Variants in TMEM116 observed in about 807,000 individuals in gnomAD.
TMEM116 encodes transmembrane protein 116.
Under a neutral mutation model 44.3 loss-of-function variants are expected in TMEM116, and 38 were observed. That is an observed-to-expected ratio of 0.86 (90% CI 0.66 to 1.12). TMEM116 has a LOEUF of 1.12. Among genes scored for constraint, TMEM116 ranks in the 50% most tolerant of loss-of-function variants. The pLI is 0.00. For missense variants in TMEM116, 354 were observed against 401.7 expected (o/e 0.88, Z 1.01); for synonymous variants, 132 against 144.8 (o/e 0.91, Z 0.64).
Position 111,935,613 on chromosome 12 carries a change from CGTGTGT to C in TMEM116, c.588+1073_588+1078del, listed in dbSNP as rs35906022. On this transcript the variant is annotated intron_variant, in intron 8 of 10. Coordinates refer to ENST00000552374, the MANE Select transcript of TMEM116 (RefSeq NM_001193531.2). ...CCTGTTGATTTGAACTGAGCCATCT[CGTGTGT>C]GTGTGTGTGTGTGTGTGTGTGTGTG... 6.7e-3 allele frequency: 802 copies of C among 120,378 alleles called. 6 individuals are homozygous for C. The highest frequency in any genetic ancestry group is 0.015 in the East Asian group (50 of 3,344). 7.5% of individuals were successfully genotyped at this position (120,378 alleles called of 1,614,324 possible). A position where few individuals can be genotyped will look rare whatever the true frequency, so the allele number is the denominator to read the frequency against.
At chr12:111,932,460 T>C in intron 10 of TMEM116, 126 bp downstream of exon 10, 2 of 759,326 alleles carry the variant, frequency 2.6e-6, no homozygotes, top group Admixed American at 2.6e-5. Context: ...GTGTAAATAA[T>C]ACATTTTCTC....
chr12:112,003,845 T>C lies in TMEM116; in HGVS notation c.33A>G (p.Ser11=), dbSNP rs1401146906. 2.4e-5 allele frequency: 37 copies of C among 1,514,780 alleles called. No individual in the cohort carries two copies. The highest frequency in any genetic ancestry group is 2.9e-5 in the Non-Finnish European group (33 of 1,140,184). The allele number at this position is 1,514,780 out of a possible 1,614,324, so 93.8% of individuals were successfully genotyped here. The change falls in exon 3 of 11, where the codon TCA becomes TCG. Residue 11 remains serine (S), a synonymous_variant. Transcript: ENST00000552374. ...TATGGAATACAGCATAGGCAATAAG[T>C]GAACTTGAACCTATAACACTGAGAA... is the stretch of plus-strand genomic sequence containing the variant. MATLSVIGSS[S]LIAYAVFHNI...
At chr12:111,949,962 A>G (rs2073590331) in intron 4 of TMEM116, among the ~76,000 whole-genome samples, 1 of 152,116 alleles carries the variant, frequency 6.6e-6, no homozygotes, top group Non-Finnish European at 1.5e-5. Flanking sequence ...TAAAAGTATA[A>G]AAATTAGCTG....
intron 5 of TMEM116, among the ~76,000 whole-genome samples, chr12:111,940,480 T>TACATACACAC (rs1555207339): frequency 7.8e-6 from 1 of 128,920 alleles, no homozygotes; most frequent in South Asian, 2.4e-4. Context: ...TATATATACA[T>TACATACACAC]ACACACACAC....
At chr12:111,955,220 TTTACAG>T (rs2073993587) in intron 4 of TMEM116, among the ~76,000 whole-genome samples, 2 of 152,188 alleles carry the variant, frequency 1.3e-5, no homozygotes, top group South Asian at 4.1e-4. Context: ...CTGCTGACTC[TTTACAG>T]TACCCTCCTT....
At chr12:112,006,484 G>A (rs1411468918) in intron 1 of TMEM116, among the ~76,000 whole-genome samples, 3 of 152,174 alleles carry the variant, frequency 2.0e-5, no homozygotes, top group Non-Finnish European at 4.4e-5. Context: ...TAAAGTTTTA[G>A]TAATACTAGT....
chr12:111,955,033 C>G (rs1220742785), intron 4 of TMEM116, among the ~76,000 whole-genome samples: 1 of 152,134 alleles, frequency 6.6e-6, no homozygotes, highest in Non-Finnish European at 1.5e-5. Flanking sequence ...TATCCAGTGC[C>G]TGAAAGTTTA....
chr12:111,993,671 T>C, intron 3 of TMEM116: 2 of 598,638 alleles, frequency 3.3e-6, no homozygotes, highest in South Asian at 3.1e-5. Flanking sequence ...GCATATGCCA[T>C]GATGAAGTTT....
At chr12:111,996,365 C>A in intron 3 of TMEM116, among the ~76,000 whole-genome samples, 1 of 151,856 alleles carries the variant, frequency 6.6e-6, no homozygotes, top group African/African-American at 2.4e-5. Context: ...GTAAGAAAAA[C>A]TCAACAGAAA....
Position 112,011,973 on chromosome 12 carries a change from G to A in TMEM116, c.-34+1029C>T, listed in dbSNP as rs151255027. On this transcript the variant is annotated intron_variant, in intron 1 of 10. Coordinates refer to ENST00000552374, the MANE Select transcript of TMEM116 (RefSeq NM_001193531.2). ...CACTCTCCTAGTTAAAACTTCTGGT[G>A]ACTCCAAACCCTTTAGCTTGGTGAG... 7 of 152,328 alleles carry A rather than the reference G, an allele frequency of 4.6e-5. No individual in the cohort carries two copies. The East Asian group carries it at 1.3e-3, about 29-fold the overall frequency. 9.4% of individuals were successfully genotyped at this position (152,328 alleles called of 1,614,324 possible).
intron 4 of TMEM116, among the ~76,000 whole-genome samples, chr12:111,972,315 C>G (rs1186779732): frequency 6.6e-6 from 1 of 151,724 alleles, no homozygotes; most frequent in Non-Finnish European, 1.5e-5. Flanking sequence ...GTTTATGTAC[C>G]TAATAAAAGA....
chr12:111,952,875 T>C (rs1160485929), intron 4 of TMEM116, among the ~76,000 whole-genome samples: 1 of 152,166 alleles, frequency 6.6e-6, no homozygotes, highest in Non-Finnish European at 1.5e-5. Context: ...TATATATACA[T>C]CTATCCTATT....
In TMEM116 at chr12:111,991,855, AG is replaced by A. The variant is rs1335662009; in HGVS notation, c.112del (p.Leu38CysfsTer18). The A allele has an allele frequency of 6.5e-7, 1 of 1,536,040 alleles. No individual in the cohort carries two copies. The highest frequency in any genetic ancestry group is 8.7e-7 in the Non-Finnish European group (1 of 1,146,594). On this transcript the variant is annotated frameshift_variant, in exon 4 of 11. Transcript: ENST00000552374. LOFTEE classifies it high-confidence loss of function. The part of the protein sequence containing the change: ...RPLFYLSFCD[L>X]LLGLCWLTET... Reference sequence around the variant, plus strand: ...CGTGAGCCAGCAAAGTCCCAGGAGCAGGTCACAGAAGCTCAGATAAAAAAGT... The same window carrying A: ...CGTGAGCCAGCAAAGTCCCAGGAGCAGTCACAGAAGCTCAGATAAAAAAGT...
At chr12:111,934,305 C>G in intron 8 of TMEM116, 1 of 321,096 alleles carries the variant, frequency 3.1e-6, no homozygotes, top group Non-Finnish European at 5.8e-6. Flanking sequence ...GGCATTTCCC[C>G]CCACTGAGGC....
intron 3 of TMEM116, chr12:111,994,011 T>C (rs2076779906): frequency 1.2e-5 from 7 of 568,594 alleles, no homozygotes; most frequent in East Asian, 3.9e-5. Flanking sequence ...TCCCTTGCCC[T>C]CCCCCAAGAT....
chr12:112,010,881 C>T (rs769965802), intron 1 of TMEM116: 1 of 152,280 alleles, frequency 6.6e-6, no homozygotes, highest in Non-Finnish European at 1.5e-5. Flanking sequence ...AGATGCACCA[C>T]GAGTCCCTAC....
chr12:111,941,917 C>G (rs2072854900), intron 5 of TMEM116, among the ~76,000 whole-genome samples: 1 of 152,068 alleles, frequency 6.6e-6, no homozygotes, highest in East Asian at 1.9e-4. Context: ...ATCACATAGA[C>G]TAACATTTCA....
At chr12:111,961,388 G>T (rs1483749703) in intron 4 of TMEM116, among the ~76,000 whole-genome samples, 1 of 152,094 alleles carries the variant, frequency 6.6e-6, no homozygotes, top group African/African-American at 2.4e-5. Context: ...AAAAATTCAG[G>T]ACAATATCCC....
At chr12:111,946,737 T>C (rs1326902977) in intron 4 of TMEM116, among the ~76,000 whole-genome samples, 1 of 152,210 alleles carries the variant, frequency 6.6e-6, no homozygotes, top group African/African-American at 2.4e-5. Flanking sequence ...ACTTCTCCTA[T>C]AAAACTGTGT....
Sources: allele counts gnomAD v4.1 joint callset (sites outside exome capture counted in the v4.1 genomes callset), GRCh38; gene constraint gnomAD v4.1.1; transcripts MANE v1.5; gene names NCBI Gene and HGNC (gene_info 2026-07-23, HGNC 2026-07-21).